Variants in IDO2 observed in about 807,000 individuals in gnomAD.
IDO2 encodes indoleamine 2,3-dioxygenase 2.
In IDO2, 46 loss-of-function variants were observed where a neutral mutation model predicts 45.1. The observed-to-expected ratio is 1.02, with a 90% CI of 0.80 to 1.30. The LOEUF is 1.30. Among genes scored for constraint, IDO2 ranks in the 50% most tolerant of loss-of-function variants. The pLI, the probability that IDO2 is intolerant of heterozygous loss-of-function variation, is 0.00. For missense variants in IDO2, 544 were observed against 491.8 expected (o/e 1.11, Z -1.00); for synonymous variants, 218 against 184.9 (o/e 1.18, Z -1.45).
At chr8:39,953,599 G>T (rs1807843485) in intron 2 of IDO2, among the ~76,000 whole-genome samples, 1 of 152,014 alleles carries the variant, frequency 6.6e-6, no homozygotes, top group Non-Finnish European at 1.5e-5. Flanking sequence ...AGTCCGCTTT[G>T]TCGCCCAGGC....
chr8:39,954,649 CTT>C (rs542016899), intron 2 of IDO2, among the ~76,000 whole-genome samples: 119 of 84,702 alleles, frequency 1.4e-3, no homozygotes, highest in African/African-American at 5.0e-3. Context: ...GTCTCTCTCT[CTT>C]TTTTTTTTTT....
At chr8:39,962,147 C>T (rs2543047) in intron 2 of IDO2, among the ~76,000 whole-genome samples, 55,331 of 152,038 alleles carry the variant, frequency 0.36, 10,566 homozygotes, top group East Asian at 0.58. Context: ...CACTGAAATT[C>T]GGACTATGTC....
intron 1 of IDO2, among the ~76,000 whole-genome samples, chr8:39,936,902 A>C (rs1807561422): frequency 6.6e-6 from 1 of 152,218 alleles, no homozygotes; most frequent in Non-Finnish European, 1.5e-5. Flanking sequence ...TGGCAGTGTT[A>C]GGCCCCTAAG....
At position 39,989,848 on chromosome 8, in the gene IDO2, T is replaced by A. The variant is rs1408144305; in HGVS notation, c.667+10T>A. The A allele has an allele frequency of 3.2e-6, 5 of 1,555,100 alleles. No individual in the cohort carries two copies. The highest frequency in any genetic ancestry group is 4.4e-6 in the Non-Finnish European group (5 of 1,142,888). ...TTAGGACAGATGCATGGTAAGATGCTTCCGAAGCTCCTGAAGGATCCCCCA... is the reference window on the plus strand; with the variant it reads ...TTAGGACAGATGCATGGTAAGATGCATCCGAAGCTCCTGAAGGATCCCCCA... On this transcript the variant is annotated intron_variant, in intron 8 of 10. Coordinates refer to ENST00000502986, the Ensembl canonical transcript of IDO2.
intron 5 of IDO2, among the ~76,000 whole-genome samples, chr8:39,984,776 A>T (rs1034719000): frequency 6.6e-6 from 1 of 152,224 alleles, no homozygotes. Flanking sequence ...GAGAAATGAC[A>T]TCAATGCAGG....
intron 8 of IDO2, among the ~76,000 whole-genome samples, chr8:40,000,727 G>T (rs1302091442): frequency 6.6e-6 from 1 of 152,066 alleles, no homozygotes; most frequent in African/African-American, 2.4e-5. Flanking sequence ...TTTTCTGTAG[G>T]GTGGACACCA....
At chr8:39,982,707 T>A (rs1808372369) in exon 5 of IDO2, 1 of 1,611,326 alleles carries the variant, frequency 6.2e-7, no homozygotes, top group Non-Finnish European at 8.5e-7. Context: ...AACTTGGGGC[T>A]CCCTCCTATC....
At chr8:39,980,978 C>G (rs1808340729) in intron 4 of IDO2, among the ~76,000 whole-genome samples, 1 of 151,756 alleles carries the variant, frequency 6.6e-6, no homozygotes, top group Non-Finnish European at 1.5e-5. Flanking sequence ...TCTCGAACTC[C>G]TGACCTCAGG....
At chr8:39,950,100 G>A (rs148746427) in intron 2 of IDO2, among the ~76,000 whole-genome samples, 2 of 152,252 alleles carry the variant, frequency 1.3e-5, no homozygotes, top group East Asian at 3.9e-4. Flanking sequence ...CTGAAATCCA[G>A]AGGAAATGAC....
intron 10 of IDO2, 28 bp downstream of exon 10, chr8:40,013,741 A>G (rs1802343913): frequency 6.5e-7 from 1 of 1,545,272 alleles, no homozygotes; most frequent in Non-Finnish European, 8.7e-7. Flanking sequence ...TTTTCCCTTG[A>G]GAGTAGAGGG....
chr8:39,979,104 G>A (rs1563433217), exon 4 of IDO2: 1 of 1,600,282 alleles, frequency 6.2e-7, no homozygotes, highest in Non-Finnish European at 8.5e-7. Context: ...AAGGGTCACC[G>A]GGAGCAGCGC....
At chr8:39,966,811 C>A (rs919703358) in intron 3 of IDO2, among the ~76,000 whole-genome samples, 1 of 152,156 alleles carries the variant, frequency 6.6e-6, no homozygotes, top group Non-Finnish European at 1.5e-5. Context: ...AACCTTCGTT[C>A]ATGAATTTGA....
At chr8:39,950,293 G>T (rs921852565) in intron 2 of IDO2, among the ~76,000 whole-genome samples, 1 of 152,172 alleles carries the variant, frequency 6.6e-6, no homozygotes, top group South Asian at 2.1e-4. Context: ...ACTTTTGGGA[G>T]GCCAAGGCAG....
Position 40,004,927 on chromosome 8 carries a change from C to T in IDO2, c.668-400C>T, listed in dbSNP as rs190998049. Among the ~76,000 whole-genome samples, 98 of 152,308 alleles carry T rather than the reference C, an allele frequency of 6.4e-4. 1 individual carries two copies. Among genetic ancestry groups the T allele is most frequent in the Middle Eastern group, 6.8e-3 (2 of 294 alleles). ...AATATTCAGACTTTCAGTTAAGCAT[C>T]GGTGAATTTAGTTTTCATCTCTTGT... On this transcript the variant is annotated intron_variant, in intron 8 of 10. Transcript: ENST00000502986.
intron 2 of IDO2, among the ~76,000 whole-genome samples, chr8:39,956,688 TAGAA>T (rs1472735976): frequency 6.6e-6 from 1 of 152,162 alleles, no homozygotes; most frequent in South Asian, 2.1e-4. Flanking sequence ...AATAACTATA[TAGAA>T]AGTGTTCACT....
rs929001254 is a variant in IDO2 at position 39,983,114 on chromosome 8, C to T, written c.434+344C>T. 3.3e-5 allele frequency among the ~76,000 whole-genome samples: 5 copies of T among 152,308 alleles called. No homozygotes were observed. The East Asian group carries it at 9.6e-4, about 29-fold the overall frequency. ...TTCATATCAGGTTAAAACCAGTTGG[C>T]TTTGATAAGTAATCATTATATAATG... On this transcript the variant is annotated intron_variant, in intron 5 of 10. Coordinates refer to ENST00000502986, the Ensembl canonical transcript of IDO2.
chr8:39,941,573 T>C (rs1585393352), intron 1 of IDO2, among the ~76,000 whole-genome samples: 1 of 151,938 alleles, frequency 6.6e-6, no homozygotes, highest in Non-Finnish European at 1.5e-5. Context: ...GTAACATGGG[T>C]CTAGACCTTG....
At chr8:39,966,709 C>T (rs1417635371) in intron 3 of IDO2, among the ~76,000 whole-genome samples, 1 of 152,146 alleles carries the variant, frequency 6.6e-6, no homozygotes, top group Non-Finnish European at 1.5e-5. Flanking sequence ...CCTAGGAAGA[C>T]ATGATCAGAG....
rs147311781 is a variant in IDO2, at chr8:39,970,043, C to T, written c.195+6340C>T. 3.0e-3 allele frequency among the ~76,000 whole-genome samples: 455 copies of T among 152,198 alleles called. 3 individuals are homozygous for T. The highest frequency in any genetic ancestry group is 0.016 in the East Asian group (85 of 5,182). Reference sequence around the variant, plus strand: ...TAAAAGTGCTACTCCAGTGAACATACGAATGATAAGAAAGCAAAAGAGCCT... The same window carrying T: ...TAAAAGTGCTACTCCAGTGAACATATGAATGATAAGAAAGCAAAAGAGCCT... On this transcript the variant is annotated intron_variant, in intron 3 of 10. Coordinates refer to ENST00000502986, the Ensembl canonical transcript of IDO2.
Sources: gnomAD v4.1 joint callset for allele counts (sites outside exome capture counted in the v4.1 genomes callset) on GRCh38, gnomAD v4.1.1 for gene constraint, MANE v1.5 for transcripts, NCBI Gene and HGNC (gene_info 2026-07-23, HGNC 2026-07-21) for gene names.